ADARB2: variants seen among roughly 807,000 people sequenced by gnomAD.
ADARB2 encodes the protein inactive double-stranded RNA-specific editase B2.
In ADARB2, 25 loss-of-function variants were observed where a neutral mutation model predicts 62.2. That is an observed-to-expected ratio of 0.40 (90% CI 0.29 to 0.56). The LOEUF is 0.56. Ranked by LOEUF, ADARB2 falls within the 20% of genes least tolerant of loss-of-function variation. The pLI, the probability that ADARB2 is intolerant of heterozygous loss-of-function variation, is 0.43. For missense variants in ADARB2, 1,071 were observed against 1,077.4 expected (o/e 0.99, Z 0.08); for synonymous variants, 572 against 500.8 (o/e 1.14, Z -1.90).
chr10:1,645,510 G>A (rs1424268893), intron 1 of ADARB2, among the ~76,000 whole-genome samples: 1 of 152,224 alleles, frequency 6.6e-6, no homozygotes, highest in African/African-American at 2.4e-5. Flanking sequence ...AAGTTTGCAA[G>A]AAGCAGCATC....
At chr10:1,672,552 A>G (rs573966301) in intron 1 of ADARB2, among the ~76,000 whole-genome samples, 61 of 151,912 alleles carry the variant, frequency 4.0e-4, no homozygotes, top group African/African-American at 1.1e-3. Context: ...GGCCTCGCGC[A>G]GCTCCTGCCT....
chr10:1,559,152 G>T (rs576140873), intron 1 of ADARB2, among the ~76,000 whole-genome samples: 126 of 152,356 alleles, frequency 8.3e-4, no homozygotes, highest in African/African-American at 2.8e-3. Flanking sequence ...AGAGAATGAT[G>T]TGGTTTCCAA....
intron 1 of ADARB2, among the ~76,000 whole-genome samples, chr10:1,496,663 A>T (rs955378800): frequency 2.0e-5 from 3 of 151,996 alleles, no homozygotes; most frequent in Non-Finnish European, 4.4e-5. Context: ...TAATAATCAT[A>T]TTCATCATAA....
rs182439356 is a variant in ADARB2 at position 1,351,224 on chromosome 10, G to A, written c.1077+11804C>T. Among the ~76,000 whole-genome samples, 289 of 152,262 alleles carry A rather than the reference G, an allele frequency of 1.9e-3. 6 individuals carry two copies. The highest frequency in any genetic ancestry group is 0.018 in the Admixed American group (269 of 15,306). ...CTCGGCTTAGCGCTTGAAGACTGAC[G>A]CTGCCCGATCACCTCAGAAGCCTCC... On this transcript the variant is annotated intron_variant, in intron 3 of 9. Transcript: ENST00000381312.
intron 1 of ADARB2, among the ~76,000 whole-genome samples, chr10:1,402,253 T>C (rs879386494): frequency 6.6e-6 from 1 of 152,216 alleles, no homozygotes; most frequent in African/African-American, 2.4e-5. Context: ...AGTCAGTGTT[T>C]ACGCGTGCGC....
At chr10:1,185,754 G>A (rs1836747911) in intron 8 of ADARB2, among the ~76,000 whole-genome samples, 1 of 152,256 alleles carries the variant, frequency 6.6e-6, no homozygotes, top group Non-Finnish European at 1.5e-5. Flanking sequence ...CCTGTCCAGA[G>A]AGAGCCGGCA....
In ADARB2 at chr10:1,686,926, A is replaced by AT. The variant is rs541654765; in HGVS notation, c.100+50124dup. On this transcript the variant is annotated intron_variant, in intron 1 of 9. Coordinates refer to ENST00000381312, the MANE Select transcript of ADARB2 (RefSeq NM_018702.4). ...TCAAAGTCTAAAATGAAGAAATTAC[A>AT]TTTTTTTTAACACGTTATTTGTATC... is the stretch of plus-strand genomic sequence containing the variant. Among the ~76,000 whole-genome samples, 304 of 151,398 alleles carry AT rather than the reference A, an allele frequency of 2.0e-3. 7 individuals carry two copies. The highest frequency in any genetic ancestry group is 0.017 in the Admixed American group (262 of 15,166).
chr10:1,394,896 C>G (rs1474913206), intron 1 of ADARB2: 1 of 456,770 alleles, frequency 2.2e-6, no homozygotes, highest in South Asian at 1.5e-5. Context: ...TTCTTTTCTT[C>G]CTCCCTCCTC....
At chr10:1,523,017 C>G (rs1832092480) in intron 1 of ADARB2, among the ~76,000 whole-genome samples, 1 of 152,190 alleles carries the variant, frequency 6.6e-6, no homozygotes, top group African/African-American at 2.4e-5. Context: ...TCTCCTTACA[C>G]CCAGCAGACA....
At chr10:1,669,419 C>T (rs1323219030) in intron 1 of ADARB2, among the ~76,000 whole-genome samples, 8 of 152,114 alleles carry the variant, frequency 5.3e-5, no homozygotes, top group Non-Finnish European at 8.8e-5. Context: ...GAGACACACA[C>T]AGACACACAC....
chr10:1,655,956 TGTGTGAG>T (rs1834168114), intron 1 of ADARB2, among the ~76,000 whole-genome samples: 1 of 152,254 alleles, frequency 6.6e-6, no homozygotes, highest in Non-Finnish European at 1.5e-5. Context: ...CTGTGGGTTT[TGTGTGAG>T]GTGTGAGGTG....
At chr10:1,630,516 C>T (rs1247617679) in intron 1 of ADARB2, among the ~76,000 whole-genome samples, 1 of 152,160 alleles carries the variant, frequency 6.6e-6, no homozygotes, top group African/African-American at 2.4e-5. Context: ...TCTCTACCCT[C>T]GCTCAGCTCT....
chr10:1,272,658 C>A (rs1185946931), intron 3 of ADARB2, among the ~76,000 whole-genome samples: 2 of 152,174 alleles, frequency 1.3e-5, no homozygotes, highest in Non-Finnish European at 2.9e-5. Context: ...ATGAAAGGCA[C>A]CCCGACCTTT....
At chr10:1,581,132 C>T (rs1216594030) in intron 1 of ADARB2, among the ~76,000 whole-genome samples, 1 of 152,196 alleles carries the variant, frequency 6.6e-6, no homozygotes, top group Admixed American at 6.5e-5. Flanking sequence ...CCCTCTATAT[C>T]CTCGCCAATA....
At chr10:1,580,058 T>A (rs2131999686) in intron 1 of ADARB2, among the ~76,000 whole-genome samples, 1 of 152,350 alleles carries the variant, frequency 6.6e-6, no homozygotes, top group East Asian at 1.9e-4. Context: ...AGTCACCAGT[T>A]GCTGAACAGT....
chr10:1,599,131 C>T (rs1833376259), intron 1 of ADARB2, among the ~76,000 whole-genome samples: 1 of 152,240 alleles, frequency 6.6e-6, no homozygotes, highest in Admixed American at 6.5e-5. Flanking sequence ...CAGTGTATCT[C>T]AGACGTAAAA....
intron 1 of ADARB2, among the ~76,000 whole-genome samples, chr10:1,411,632 C>T (rs545202963): frequency 3.9e-5 from 6 of 152,256 alleles, no homozygotes; most frequent in East Asian, 3.9e-4. Context: ...ACGGGCGGTC[C>T]GTGCTGAGTG....
intron 1 of ADARB2, among the ~76,000 whole-genome samples, chr10:1,646,904 C>T (rs986299817): frequency 2.0e-5 from 3 of 152,194 alleles, no homozygotes; most frequent in African/African-American, 4.8e-5. Context: ...TGCGTGCCTG[C>T]GACCAGCATG....
At chr10:1,343,156 T>C (rs1832045617) in intron 3 of ADARB2, among the ~76,000 whole-genome samples, 1 of 152,050 alleles carries the variant, frequency 6.6e-6, no homozygotes, top group Non-Finnish European at 1.5e-5. Context: ...AGGAAGCCTG[T>C]ACATAAAAAC....
Sources: gnomAD v4.1 joint callset for allele counts (sites outside exome capture counted in the v4.1 genomes callset) on GRCh38, gnomAD v4.1.1 for gene constraint, MANE v1.5 for transcripts, NCBI Gene and HGNC (gene_info 2026-07-23, HGNC 2026-07-21) for gene names.